The following OPCML variants were observed in gnomAD, a reference collection of about 807,000 sequenced individuals.
The protein encoded by OPCML is opioid binding protein/cell adhesion molecule like, also known as opioid-binding protein/cell adhesion molecule.
Under a neutral mutation model 37.8 loss-of-function variants are expected in OPCML, and 13 were observed. The observed-to-expected ratio is 0.34, with a 90% CI of 0.22 to 0.55. The LOEUF (loss-of-function observed/expected upper bound fraction) is 0.55. Among genes scored for constraint, OPCML ranks in the 20% least tolerant of loss-of-function variants. OPCML has a pLI of 0.91. For synonymous variants in OPCML, 176 were observed against 168.8 expected (o/e 1.04, Z -0.33); for missense variants, 341 against 435.6 (o/e 0.78, Z 1.93).
intron 1 of OPCML, among the ~76,000 whole-genome samples, chr11:133,192,071 G>C (rs971149370): frequency 5.9e-5 from 9 of 152,210 alleles, no homozygotes; most frequent in African/African-American, 2.2e-4. Flanking sequence ...TCATTGTGCA[G>C]GGTAAATGCT....
At chr11:133,232,883 T>C (rs1203022155) in intron 1 of OPCML, among the ~76,000 whole-genome samples, 2 of 152,242 alleles carry the variant, frequency 1.3e-5, no homozygotes, top group South Asian at 2.1e-4. Flanking sequence ...ATCCCAGTGC[T>C]GACAGCTTTA....
intron 1 of OPCML, among the ~76,000 whole-genome samples, chr11:133,512,261 A>G (rs2120631271): frequency 6.6e-6 from 1 of 152,350 alleles, no homozygotes; most frequent in African/African-American, 2.4e-5. Flanking sequence ...CCTACCACCC[A>G]GTCTTTGATT....
chr11:133,505,382 C>T (rs1191995617), intron 1 of OPCML, among the ~76,000 whole-genome samples: 3 of 152,194 alleles, frequency 2.0e-5, no homozygotes, highest in African/African-American at 7.2e-5. Context: ...GGGGAGAAAG[C>T]CCAGGGGGAA....
intron 2 of OPCML, among the ~76,000 whole-genome samples, chr11:132,769,178 C>T (rs1168588922): frequency 6.6e-6 from 1 of 151,400 alleles, no homozygotes; most frequent in Non-Finnish European, 1.5e-5. Flanking sequence ...AGGGTCTACA[C>T]TGAAAGAAGT....
intron 1 of OPCML, chr11:133,006,324 C>T (rs1947111806): frequency 1.6e-6 from 1 of 610,534 alleles, no homozygotes; most frequent in Admixed American, 6.3e-5. Flanking sequence ...TCCTTTTCAC[C>T]CAATAAAACC....
At position 132,564,842 on chromosome 11, in the gene OPCML, T is replaced by C. The variant is rs148863055; in HGVS notation, c.380-35656A>G. 1.5e-3 allele frequency among the ~76,000 whole-genome samples: 232 copies of C among 152,324 alleles called. 1 individual carries two copies. The highest frequency in any genetic ancestry group is 5.3e-3 in the African/African-American group (220 of 41,588). On this transcript the variant is annotated intron_variant, in intron 3 of 7. Coordinates refer to ENST00000524381, the MANE Select transcript of OPCML (RefSeq NM_001012393.5). ...ACTGGACAAAGTCAACGGGGTATGG[T>C]AGACAGAAAACATGTAAATCAGAGA...
At chr11:132,574,765 C>T (rs2096446472) in intron 3 of OPCML, among the ~76,000 whole-genome samples, 1 of 151,822 alleles carries the variant, frequency 6.6e-6, no homozygotes, top group African/African-American at 2.4e-5. Flanking sequence ...CTATATATGT[C>T]CATTAGACTC....
At chr11:132,571,579 C>T (rs2096438545) in intron 3 of OPCML, among the ~76,000 whole-genome samples, 1 of 152,130 alleles carries the variant, frequency 6.6e-6, no homozygotes, top group Non-Finnish European at 1.5e-5. Context: ...CAAGGTCCAT[C>T]CATCCTGTCA....
intron 1 of OPCML, among the ~76,000 whole-genome samples, chr11:133,090,557 C>G (rs892422071): frequency 2.0e-5 from 3 of 152,100 alleles, no homozygotes; most frequent in Non-Finnish European, 2.9e-5. Flanking sequence ...GGAAGAAAGG[C>G]CATCATTGTT....
chr11:133,523,145 A>G (rs1948427169), intron 1 of OPCML, among the ~76,000 whole-genome samples: 1 of 152,184 alleles, frequency 6.6e-6, no homozygotes, highest in Non-Finnish European at 1.5e-5. Flanking sequence ...AGAGAAACCG[A>G]GTTATTCAAT....
At chr11:133,098,940 C>A (rs538219646) in intron 1 of OPCML, among the ~76,000 whole-genome samples, 1 of 152,102 alleles carries the variant, frequency 6.6e-6, no homozygotes, top group South Asian at 2.1e-4. Context: ...TCAACAACAA[C>A]AAAAAAGAGA....
chr11:132,729,598 T>C (rs1199164126), intron 2 of OPCML, among the ~76,000 whole-genome samples: 2 of 152,198 alleles, frequency 1.3e-5, no homozygotes, highest in Non-Finnish European at 2.9e-5. Context: ...TAATCACACT[T>C]TCCCAATGGG....
chr11:133,290,440 T>TC (rs1476463652), intron 1 of OPCML, among the ~76,000 whole-genome samples: 7 of 152,088 alleles, frequency 4.6e-5, no homozygotes, highest in Non-Finnish European at 1.0e-4. Flanking sequence ...TAATTTACTC[T>TC]CCCCCGTAAG....
intron 1 of OPCML, among the ~76,000 whole-genome samples, chr11:133,074,282 A>G (rs1351071567): frequency 6.6e-6 from 1 of 152,180 alleles, no homozygotes; most frequent in Non-Finnish European, 1.5e-5. Context: ...ATTATATCTG[A>G]GGTTTGTGTA....
At chr11:132,674,188 C>T (rs1204976667) in intron 2 of OPCML, among the ~76,000 whole-genome samples, 1 of 152,162 alleles carries the variant, frequency 6.6e-6, no homozygotes, top group Non-Finnish European at 1.5e-5. Flanking sequence ...ACTGCGTTCA[C>T]CTCAGAAGAA....
At position 133,025,805 on chromosome 11, in the gene OPCML, C is replaced by T. The variant is rs1947544692; in HGVS notation, c.62-82795G>A. On this transcript the variant is annotated intron_variant, in intron 1 of 7. Transcript: ENST00000524381. The stretch of plus-strand genomic sequence containing the variant: ...CTGGAGTGCAGTGGTGCGATCTTGG[C>T]TCACTGCAACCTCTGTCTCTTGGGT... Among the ~76,000 whole-genome samples, 4 of 146,770 alleles carry T rather than the reference C, an allele frequency of 2.7e-5. No homozygotes were observed. In the South Asian group the frequency reaches 8.7e-4, roughly 32 times the overall value.
intron 4 of OPCML, among the ~76,000 whole-genome samples, chr11:132,464,505 G>C (rs1159828362): frequency 6.6e-6 from 1 of 152,162 alleles, no homozygotes; most frequent in Non-Finnish European, 1.5e-5. Flanking sequence ...ATATGGCCTG[G>C]TACAAAACAG....
intron 2 of OPCML, among the ~76,000 whole-genome samples, chr11:132,886,393 G>A (rs1312205001): frequency 6.6e-6 from 1 of 152,160 alleles, no homozygotes; most frequent in Non-Finnish European, 1.5e-5. Flanking sequence ...GCCTCAGCTG[G>A]GAAGTCTCAA....
At chr11:133,311,876 T>C (rs1160387428) in intron 1 of OPCML, among the ~76,000 whole-genome samples, 2 of 152,048 alleles carry the variant, frequency 1.3e-5, no homozygotes, top group African/African-American at 4.8e-5. Context: ...CTGACAGAAG[T>C]GTCACAGTGC....
Sources: gnomAD v4.1 joint callset for allele counts (sites outside exome capture counted in the v4.1 genomes callset) on GRCh38, gnomAD v4.1.1 for gene constraint, MANE v1.5 for transcripts, NCBI Gene and HGNC (gene_info 2026-07-23, HGNC 2026-07-21) for gene names.